Variants in SENP5 observed in about 807,000 individuals in gnomAD.
SENP5 encodes the protein SUMO specific peptidase 5, also known as sentrin-specific protease 5.
A neutral mutation model predicts 74.2 loss-of-function variants in SENP5; 21 were observed. That is an observed-to-expected ratio of 0.28 (90% CI 0.20 to 0.41). The LOEUF is 0.41. Among genes scored for constraint, SENP5 ranks in the 10% least tolerant of loss-of-function variants. SENP5 has a pLI of 1.00. For missense variants in SENP5, 717 were observed against 889.1 expected (o/e 0.81, Z 2.46); for synonymous variants, 311 against 312.7 (o/e 0.99, Z 0.06).
intron 1 of SENP5, among the ~76,000 whole-genome samples, chr3:196,872,196 C>G (rs943437492): frequency 6.6e-6 from 1 of 152,178 alleles, no homozygotes; most frequent in Non-Finnish European, 1.5e-5. Context: ...TGTAAACCTT[C>G]TATTTCCCTT....
intron 1 of SENP5, among the ~76,000 whole-genome samples, chr3:196,872,229 G>A (rs904537875): frequency 1.3e-5 from 2 of 152,158 alleles, no homozygotes; most frequent in African/African-American, 2.4e-5. Context: ...TATCTTTGAA[G>A]GAATGTTGAT....
intron 8 of SENP5, 75 bp downstream of exon 8, chr3:196,927,954 C>T: frequency 1.1e-6 from 1 of 873,522 alleles, no homozygotes; most frequent in East Asian, 2.5e-5. Context: ...CCTTTAAGAG[C>T]ATTTGAAGAC....
At chr3:196,886,858 T>C (rs377522224) in intron 2 of SENP5, among the ~76,000 whole-genome samples, 164 bp downstream of exon 2, 1 of 152,222 alleles carries the variant, frequency 6.6e-6, no homozygotes, top group East Asian at 1.9e-4. Context: ...AGATGTTCCA[T>C]CATTTAATCC....
chr3:196,869,631 A>G (rs954230389), intron 1 of SENP5, among the ~76,000 whole-genome samples: 6 of 151,490 alleles, frequency 4.0e-5, no homozygotes, highest in Admixed American at 1.3e-4. Context: ...GTGGTGGCGC[A>G]TGCCTGTAAT....
chr3:196,910,031 T>C (rs1415428594), intron 6 of SENP5, among the ~76,000 whole-genome samples: 1 of 152,082 alleles, frequency 6.6e-6, no homozygotes, highest in Non-Finnish European at 1.5e-5. Context: ...CCCCTTACGT[T>C]GATAAGAAAC....
At chr3:196,869,424 G>A (rs1373460842) in intron 1 of SENP5, among the ~76,000 whole-genome samples, 1 of 150,912 alleles carries the variant, frequency 6.6e-6, no homozygotes, top group Non-Finnish European at 1.5e-5. Flanking sequence ...GGCTGGTCTC[G>A]ACCTCCTGAC....
intron 1 of SENP5, among the ~76,000 whole-genome samples, 196 bp downstream of exon 1, chr3:196,868,269 C>A (rs528568145): frequency 6.6e-6 from 1 of 152,344 alleles, no homozygotes; most frequent in East Asian, 1.9e-4. Flanking sequence ...GAGCTCGTCC[C>A]GAGGGGCCGC....
intron 2 of SENP5, among the ~76,000 whole-genome samples, chr3:196,889,899 T>C (rs1243043215): frequency 6.6e-6 from 1 of 152,158 alleles, no homozygotes; most frequent in Non-Finnish European, 1.5e-5. Flanking sequence ...TGGTAAGGAC[T>C]GAGTAGTTGG....
chr3:196,881,457 A>C (rs1468778434), intron 1 of SENP5, among the ~76,000 whole-genome samples: 1 of 152,192 alleles, frequency 6.6e-6, no homozygotes, highest in African/African-American at 2.4e-5. Flanking sequence ...CAAAGTGTGG[A>C]AAGGCCCTTC....
At chr3:196,910,318 A>C (rs1280803285) in intron 6 of SENP5, among the ~76,000 whole-genome samples, 1 of 141,878 alleles carries the variant, frequency 7.0e-6, no homozygotes, top group Non-Finnish European at 1.5e-5. Context: ...GAAAATGGCC[A>C]TACTGCCCAA....
chr3:196,924,858 A>AAT (rs780455039), intron 7 of SENP5, among the ~76,000 whole-genome samples: 7 of 152,234 alleles, frequency 4.6e-5, no homozygotes, highest in Non-Finnish European at 8.8e-5. Context: ...CTAGCAAGAG[A>AAT]ATAGCTAAAT....
At position 196,903,129 on chromosome 3, in the gene SENP5, GATCATTATT is replaced by G. The variant is rs538481125; in HGVS notation, c.1807-392_1807-384del. The stretch of plus-strand genomic sequence containing the variant: ...CCATGTAATGTATTTTCTATATTTT[GATCATTATT>G]ATCATTATTATTATTTTTTGAGACG... On this transcript the variant is annotated intron_variant, in intron 5 of 9. Transcript: ENST00000323460. 4.6e-3 allele frequency among the ~76,000 whole-genome samples: 704 copies of G among 152,140 alleles called. 4 individuals carry two copies. Among genetic ancestry groups the G allele is most frequent in the Non-Finnish European group, 8.2e-3 (560 of 67,990 alleles).
At chr3:196,904,516 G>A (rs1388902858) in intron 6 of SENP5, among the ~76,000 whole-genome samples, 2 of 152,156 alleles carry the variant, frequency 1.3e-5, no homozygotes, top group Non-Finnish European at 2.9e-5. Flanking sequence ...GGCCAGGTGC[G>A]GTGGCTCACG....
intron 2 of SENP5, among the ~76,000 whole-genome samples, chr3:196,894,715 G>A (rs1433269940): frequency 6.6e-6 from 1 of 151,954 alleles, no homozygotes; most frequent in Non-Finnish European, 1.5e-5. Context: ...AATTAGCGTA[G>A]TTTTATCATT....
intron 2 of SENP5, among the ~76,000 whole-genome samples, chr3:196,889,234 TC>T (rs1714106393): frequency 6.6e-6 from 1 of 151,572 alleles, no homozygotes; most frequent in Non-Finnish European, 1.5e-5. Flanking sequence ...GTCTATACTG[TC>T]CTAGAGTAAA....
chr3:196,869,076 G>A (rs981333615), intron 1 of SENP5, among the ~76,000 whole-genome samples: 6 of 151,960 alleles, frequency 3.9e-5, no homozygotes, highest in Admixed American at 1.3e-4. Flanking sequence ...GTATATGAGG[G>A]ATGGCTTATA....
intron 6 of SENP5, among the ~76,000 whole-genome samples, chr3:196,914,957 T>C (rs1308162229): frequency 6.6e-6 from 1 of 152,112 alleles, no homozygotes; most frequent in Non-Finnish European, 1.5e-5. Flanking sequence ...TGTGGGACTT[T>C]GCATTGAAAC....
At chr3:196,898,730 C>T (rs997212326) in intron 2 of SENP5, among the ~76,000 whole-genome samples, 4 of 151,994 alleles carry the variant, frequency 2.6e-5, no homozygotes, top group East Asian at 3.9e-4. Flanking sequence ...CTGGCTAACA[C>T]GGTGAAACCC....
chr3:196,902,239 C>T (rs1714730939), intron 5 of SENP5, among the ~76,000 whole-genome samples: 1 of 152,230 alleles, frequency 6.6e-6, no homozygotes, highest in South Asian at 2.1e-4. Flanking sequence ...GCCTTAGCCT[C>T]CCAGGTAGCT....
Sources: allele counts gnomAD v4.1 joint callset (sites outside exome capture counted in the v4.1 genomes callset), GRCh38; gene constraint gnomAD v4.1.1; transcripts MANE v1.5; gene names NCBI Gene and HGNC (gene_info 2026-07-23, HGNC 2026-07-21).